Variants in SNAP47 observed in about 807,000 individuals in gnomAD.
SNAP47 encodes the protein synaptosomal-associated protein 47.
SNAP47 carries 20 observed loss-of-function variants against 31.4 expected under a neutral mutation model. The ratio of observed to expected loss-of-function variants is 0.64; its 90% CI spans 0.45 to 0.93. The LOEUF (loss-of-function observed/expected upper bound fraction) is 0.93. Ranked by LOEUF, SNAP47 falls within the 40% of genes least tolerant of loss-of-function variation. SNAP47 has a pLI of 0.00. For missense variants in SNAP47, 492 were observed against 528.5 expected (o/e 0.93, Z 0.68); for synonymous variants, 194 against 213.4 (o/e 0.91, Z 0.79).
At chr1:227,732,943 C>T (rs748091867), upstream of SNAP47, 12 of 1,613,112 alleles carry the variant, frequency 7.4e-6, no homozygotes, top group African/African-American at 1.3e-5. Flanking sequence ...TCCTGCACGG[C>T]GCATAGCTCC....
At chr1:227,770,857 C>G (rs1447839359) in intron 4 of SNAP47, 1 of 152,358 alleles carries the variant, frequency 6.6e-6, no homozygotes, top group East Asian at 1.9e-4. Flanking sequence ...ACTTTGGGCG[C>G]CTGCAGTCCC....
rs910069842 is a variant in SNAP47 at position 227,747,817 on chromosome 1, G to C, written c.81G>C (p.Leu27=). ...EPKRRWVTGQ[L]SLTSLSLRFM... ...AGAGGCGATGGGTTACTGGACAGCT[G>C]TCCTTAACATCGCTGTCGCTCAGGT... The change falls in exon 2 of 5, where the codon CTG becomes CTC. Residue 27 remains leucine (L), a synonymous_variant. Coordinates refer to ENST00000617596, the MANE Select transcript of SNAP47 (RefSeq NM_053052.4). The C allele has an allele frequency of 1.2e-6, 2 of 1,614,070 alleles. No individual in the cohort carries two copies. Among genetic ancestry groups the C allele is most frequent in the South Asian group, 1.1e-5 (1 of 91,084 alleles).
At chr1:227,743,755 T>C (rs1355931935) in intron 1 of SNAP47, 1 of 152,268 alleles carries the variant, frequency 6.6e-6, no homozygotes, top group African/African-American at 2.4e-5. Context: ...AGCTGCTTTC[T>C]TGGAGTTGGG....
intron 4 of SNAP47, among the ~76,000 whole-genome samples, chr1:227,778,454 G>T (rs1664282825): frequency 6.6e-6 from 1 of 152,238 alleles, no homozygotes. Context: ...ATTTTAGTAT[G>T]GTTGACGAGG....
rs1452834761 is a variant in SNAP47 at position 227,762,892 on chromosome 1, C to T, written c.988+3407C>T. Among the ~76,000 whole-genome samples, 1 of 152,200 alleles carries T rather than the reference C, an allele frequency of 6.6e-6. No homozygotes were observed. The highest frequency in any genetic ancestry group is 1.9e-4 in the East Asian group (1 of 5,180). On this transcript the variant is annotated intron_variant, in intron 3 of 4. Transcript: ENST00000617596. This position sits in a 1 kb window ranked among gnomAD's most constrained non-coding sequence, Gnocchi z 4.2. ...GGGCTGTGGTTTGGGAGGAAGGCCA[C>T]AGGGTGAGGTTTCCTTCCCACACAT... is the stretch of plus-strand genomic sequence containing the variant.
upstream of SNAP47, chr1:227,730,696 G>A (rs1660584762): frequency 6.6e-6 from 1 of 152,218 alleles, no homozygotes; most frequent in Non-Finnish European, 1.5e-5. Flanking sequence ...GAAGCATGAG[G>A]GTCTTCACAT....
intron 4 of SNAP47, among the ~76,000 whole-genome samples, chr1:227,771,159 A>C (rs990592476): frequency 6.6e-6 from 1 of 152,166 alleles, no homozygotes; most frequent in Non-Finnish European, 1.5e-5. Context: ...AGCGTCCCGT[A>C]CTTTCCTGCT....
chr1:227,760,068 A>C (rs1662967438), intron 3 of SNAP47, among the ~76,000 whole-genome samples: 1 of 152,142 alleles, frequency 6.6e-6, no homozygotes, highest in Admixed American at 6.5e-5. Context: ...AGCCCACAGA[A>C]CTGTCAGTTG....
chr1:227,743,952 G>C (rs984121897), intron 1 of SNAP47: 1 of 152,110 alleles, frequency 6.6e-6, no homozygotes, highest in Non-Finnish European at 1.5e-5. Context: ...AGGTACAGCC[G>C]ACCTTCAGTA....
upstream of SNAP47, chr1:227,735,279 T>G (rs755280981): frequency 6.2e-7 from 1 of 1,606,394 alleles, no homozygotes; most frequent in East Asian, 2.2e-5. Context: ...TCCATCCAGC[T>G]CAGCACGGGT....
chr1:227,766,074 A>G (rs923259957), intron 3 of SNAP47, among the ~76,000 whole-genome samples: 15 of 152,200 alleles, frequency 9.9e-5, no homozygotes, highest in Admixed American at 3.9e-4. Flanking sequence ...ACGCTCAGCC[A>G]CTGCTCCCGG....
chr1:227,735,363 C>G (rs761237228), upstream of SNAP47: 33 of 1,591,744 alleles, frequency 2.1e-5, no homozygotes, highest in Admixed American at 5.0e-5. Flanking sequence ...AGACGCAGGG[C>G]GCCGCGTTTC....
chr1:227,733,539 G>C, upstream of SNAP47: 1 of 1,607,386 alleles, frequency 6.2e-7, no homozygotes, highest in Non-Finnish European at 8.5e-7. Flanking sequence ...CAGAGTGCTG[G>C]GGAGGTCACG....
chr1:227,730,686 G>C (rs1001894019), upstream of SNAP47: 1 of 152,238 alleles, frequency 6.6e-6, no homozygotes, highest in African/African-American at 2.4e-5. Context: ...CCTGACTGCG[G>C]AAGCATGAGG....
At chr1:227,776,842 C>G (rs910229487) in intron 4 of SNAP47, 1 of 985,454 alleles carries the variant, frequency 1.0e-6, no homozygotes, top group South Asian at 4.7e-5. Flanking sequence ...AGGGTCTCAA[C>G]AGGCTATTTG....
At chr1:227,733,601 G>A (rs747713480), upstream of SNAP47, 8 of 1,606,460 alleles carry the variant, frequency 5.0e-6, no homozygotes, top group East Asian at 1.8e-4. Flanking sequence ...CTGCCCTGGG[G>A]GGAAGAGGAG....
chr1:227,753,341 A>T (rs1662498583), intron 2 of SNAP47, among the ~76,000 whole-genome samples: 1 of 152,310 alleles, frequency 6.6e-6, no homozygotes, highest in African/African-American at 2.4e-5. Context: ...TGCCTCTAAG[A>T]TTTCTACCTC....
chr1:227,775,599 C>T (rs1024280110), intron 4 of SNAP47, among the ~76,000 whole-genome samples: 3 of 152,220 alleles, frequency 2.0e-5, no homozygotes, highest in Non-Finnish European at 2.9e-5. Context: ...TGGCAGCGAA[C>T]GCACAAGGCT....
chr1:227,734,377 A>G (rs34909523), upstream of SNAP47: 1 of 271,510 alleles, frequency 3.7e-6, no homozygotes, highest in Non-Finnish European at 6.5e-6. Context: ...AAAAAAAAAA[A>G]GCCGGGAGTG....
Sources: gnomAD v4.1 joint callset for allele counts (sites outside exome capture counted in the v4.1 genomes callset) on GRCh38, gnomAD v4.1.1 for gene constraint, Gnocchi (gnomAD v3.1) non-coding constraint, MANE v1.5 for transcripts, NCBI Gene and HGNC (gene_info 2026-07-23, HGNC 2026-07-21) for gene names.